The following NIN variants were observed in gnomAD, a reference collection of about 807,000 sequenced individuals.
NIN encodes glycogen synthase kinase 3 beta-interacting protein.
In NIN, 137 loss-of-function variants were observed where a neutral mutation model predicts 257.6. The ratio of observed to expected loss-of-function variants is 0.53; its 90% confidence interval spans 0.46 to 0.61. The LOEUF is 0.61. Among genes scored for constraint, NIN ranks in the 20% least tolerant of loss-of-function variants. NIN has a pLI of 0.00. For synonymous variants in NIN, 918 were observed against 919.8 expected, an observed-to-expected ratio of 1.00 and a Z score of 0.04; for missense variants, 2,439 against 2,501.2, an observed-to-expected ratio of 0.98 and a Z score of 0.53.
In NIN at chr14:50,720,151, A is replaced by T. The variant is rs2040243777; in HGVS notation, c.*3312T>A. Reference sequence around the variant, plus strand: ...AGTGCTGAGAGGTCCAGATAGGTCCAAACATGATGATTTTTAAATGAGTGC... The same window carrying T: ...AGTGCTGAGAGGTCCAGATAGGTCCTAACATGATGATTTTTAAATGAGTGC... On this transcript the variant is annotated 3_prime_UTR_variant, in exon 31 of 31. Coordinates refer to ENST00000530997, the MANE Select transcript of NIN (RefSeq NM_020921.4). The T allele has an allele frequency of 4.5e-6, 1 of 222,566 alleles. No homozygotes were observed. The highest frequency in any genetic ancestry group is 2.2e-5 in the African/African-American group (1 of 44,754). 13.8% of individuals were successfully genotyped at this position (222,566 alleles called of 1,614,324 possible). A position where few individuals can be genotyped will look rare whatever the true frequency, so the allele number is the denominator to read the frequency against.
intron 5 of NIN, chr14:50,792,139 A>C (rs1339194492): frequency 1.3e-5 from 2 of 152,280 alleles, no homozygotes; most frequent in Non-Finnish European, 2.9e-5. Context: ...CATGCTGGAG[A>C]ACGAGACAGG....
intron 15 of NIN, among the ~76,000 whole-genome samples, chr14:50,762,335 C>T (rs1253306747): frequency 5.3e-5 from 8 of 152,128 alleles, no homozygotes; most frequent in Admixed American, 3.9e-4. Context: ...GGAAAATGAA[C>T]GGCCAGCATA....
Position 50,752,542 on chromosome 14 carries a change from T to G in NIN, c.4926A>C (p.Glu1642Asp), listed in dbSNP as rs965453769. Residue 1642 changes from glutamate to aspartate, a missense_variant, in exon 21 of 31, where the codon GAA becomes GAC. Physicochemically the swap from Glu to Asp is conservative, Grantham distance 45 (BLOSUM62 2). This residue lies in a region of NIN where 2,043 missense variants were observed against 2,050.2 expected (regional missense o/e 1.00). Transcript: ENST00000530997. The stretch of plus-strand genomic sequence containing the variant: ...CCTGCACTTTACAACGTTCCAGTTC[T>G]TCTTTCAGATTAAACTTCTCTTGTT... Reference protein sequence around the residue: ...EREQEKFNLKEELERCKVQSS... With the variant: ...EREQEKFNLKDELERCKVQSS... The G allele has an allele frequency of 4.3e-6, 7 of 1,614,094 alleles. No homozygotes were observed. Among genetic ancestry groups the G allele is most frequent in the Non-Finnish European group, 5.9e-6 (7 of 1,179,974 alleles).
chr14:50,792,991 C>G lies in NIN; in HGVS notation c.266-110G>C, dbSNP rs1754817568. 5 of 1,082,256 alleles carry G rather than the reference C, an allele frequency of 4.6e-6. No homozygotes were observed. In the South Asian group the frequency reaches 7.5e-5, roughly 16 times the overall value. 67.0% of individuals were successfully genotyped at this position (1,082,256 alleles called of 1,614,324 possible). On this transcript the variant is annotated intron_variant, in intron 4 of 30. Coordinates refer to ENST00000530997, the MANE Select transcript of NIN (RefSeq NM_020921.4). ...TTATACCAACCTCAAAATAAACCACCACTGTTTGCCAATTGTGGTGGCTGT... is the reference window on the plus strand; with the variant it reads ...TTATACCAACCTCAAAATAAACCACGACTGTTTGCCAATTGTGGTGGCTGT...
Position 50,770,408 on chromosome 14 carries a change from G to T in NIN, c.1414C>A (p.Arg472Ser), listed in dbSNP as rs747426018. The change falls in exon 12 of 31, where the codon CGC (arginine) becomes AGC (serine). Residue 472 changes from arginine to serine, a missense_variant. Physicochemically the swap from Arg to Ser is moderately radical, Grantham distance 110. Coordinates refer to ENST00000530997, the MANE Select transcript of NIN (RefSeq NM_020921.4). Reference sequence around the variant, plus strand: ...ATTACCTTTAAAGAGAGGGCAAGGCGGTCCCGGATATAGTTCTCTTCTGTT... The same window carrying T: ...ATTACCTTTAAAGAGAGGGCAAGGCTGTCCCGGATATAGTTCTCTTCTGTT... The part of the protein sequence containing the change: ...AKTEENYIRD[R>S]LALSLKENSR... 1 of 1,614,156 alleles carries T rather than the reference G, an allele frequency of 6.2e-7. No homozygotes were observed. Among genetic ancestry groups the T allele is most frequent in the African/African-American group, 1.3e-5 (1 of 75,044 alleles).
intron 14 of NIN, among the ~76,000 whole-genome samples, chr14:50,764,659 G>A (rs976720324): frequency 6.6e-6 from 1 of 152,060 alleles, no homozygotes; most frequent in Non-Finnish European, 1.5e-5. Context: ...ACTGATACAC[G>A]CTACAACATG....
intron 3 of NIN, among the ~76,000 whole-genome samples, chr14:50,820,896 A>G (rs1164805573): frequency 3.3e-5 from 5 of 152,222 alleles, no homozygotes; most frequent in African/African-American, 1.2e-4. Context: ...ATGGTACTAT[A>G]TCTGAAGTCA....
Position 50,763,928 on chromosome 14 carries a change from G to C in NIN, c.1672C>G (p.Leu558Val), listed in dbSNP as rs780621940. Reference protein sequence around the residue: ...QDQVDELQSELEEYRAQGRVL... With the variant: ...QDQVDELQSEVEEYRAQGRVL... ...CTGCCTTGTGCACGATATTCTTCCA[G>C]CTCAGACTGGAGTTCATCTACTTGG... The change falls in exon 15 of 31, where the codon CTG (leucine) becomes GTG (valine). Residue 558 changes from leucine to valine, a missense_variant. Transcript: ENST00000530997. 6.2e-7 allele frequency: 1 copy of C among 1,613,958 alleles called. No individual in the cohort carries two copies.
intron 27 of NIN, 95 bp downstream of exon 27, chr14:50,738,044 TA>T: frequency 8.0e-7 from 1 of 1,249,354 alleles, no homozygotes; most frequent in Non-Finnish European, 1.1e-6. Context: ...TATGCCATCG[TA>T]ATCATTTCCT....
chr14:50,760,230 T>C lies in NIN; in HGVS notation c.2026A>G (p.Ile676Val), dbSNP rs140712983. The change falls in exon 17 of 31, where the codon ATT becomes GTT. Residue 676 changes from isoleucine (I) to valine (V), a missense_variant. Ile to Val is a conservative substitution (Grantham distance 29). Around this residue, in one of 3 missense-constraint regions of NIN, gnomAD observed 2,043 missense variants for 2,050.2 expected, o/e 1.00. Transcript: ENST00000530997. ...GCTGCTTGCCCCTGAAGTTCAGCAA[T>C]TTCATTTTTAAGGTCACTTATTTGT... ...EKQISDLKNEIAELQGQAAVL... is the reference protein window; with the variant it reads ...EKQISDLKNEVAELQGQAAVL... 30 of 1,613,494 alleles carry C rather than the reference T, an allele frequency of 1.9e-5. No individual in the cohort carries two copies. The African/African-American group carries it at 2.4e-4, about 13-fold the overall frequency.
At chr14:50,752,810 CAT>C in intron 20 of NIN, 77 bp from the exon 21 acceptor site, 1 of 778,014 alleles carries the variant, frequency 1.3e-6, no homozygotes, top group Non-Finnish European at 2.0e-6. Context: ...GATTTAGAGA[CAT>C]AATTGTCTTT....
At chr14:50,742,907 T>C (rs184113230) in intron 24 of NIN, among the ~76,000 whole-genome samples, 9 of 152,342 alleles carry the variant, frequency 5.9e-5, no homozygotes, top group African/African-American at 1.4e-4. Context: ...GATGGAAATA[T>C]TTAAATTATT....
Position 50,743,420 on chromosome 14 carries a change from T to C in NIN, c.5297A>G (p.Glu1766Gly), listed in dbSNP as rs1566793326. Residue 1766 changes from glutamate to glycine, a missense_variant, in exon 24 of 31, where the codon GAA (glutamate) becomes GGA (glycine). Around this residue, in one of 3 missense-constraint regions of NIN, gnomAD observed 2,043 missense variants for 2,050.2 expected, o/e 1.00. Transcript: ENST00000530997. ...AAACAAGAATTGTCCATGTACCTTTTCCTGAGAAGCCACCAGCTGTGACTT... is the reference window on the plus strand; with the variant it reads ...AAACAAGAATTGTCCATGTACCTTTCCCTGAGAAGCCACCAGCTGTGACTT... ...SLKSQLVASQEKVQNLEDTVQ... is the reference protein window; with the variant it reads ...SLKSQLVASQGKVQNLEDTVQ... 1 of 1,600,492 alleles carries C rather than the reference T, an allele frequency of 6.2e-7. No homozygotes were observed.
Position 50,760,100 on chromosome 14 carries a change from A to G in NIN, c.2156T>C (p.Leu719Pro). ...EEEKTHLQEKLRLQHEMELKA... is the reference protein window; with the variant it reads ...EEEKTHLQEKPRLQHEMELKA... ...GAGCTCCATCTCATGTTGCAGCCTC[A>G]GCTTCTCCTGCAGGTGAGTCTTTTC... is the stretch of plus-strand genomic sequence containing the variant. Residue 719 changes from leucine to proline, a missense_variant, in exon 17 of 31, where the codon CTG becomes CCG. Around this residue, in one of 3 missense-constraint regions of NIN, gnomAD observed 2,043 missense variants for 2,050.2 expected, o/e 1.00. Coordinates refer to ENST00000530997, the MANE Select transcript of NIN (RefSeq NM_020921.4). The G allele has an allele frequency of 6.2e-7, 1 of 1,614,100 alleles. No individual in the cohort carries two copies. Among genetic ancestry groups the G allele is most frequent in the Non-Finnish European group, 8.5e-7 (1 of 1,180,020 alleles).
intron 17 of NIN, among the ~76,000 whole-genome samples, chr14:50,759,080 G>A (rs1408656322): frequency 6.6e-6 from 1 of 152,114 alleles, no homozygotes; most frequent in Non-Finnish European, 1.5e-5. Context: ...CTTACTTAAC[G>A]AAGTAGCACC....
At chr14:50,782,955 C>A (rs2065078) in intron 5 of NIN, among the ~76,000 whole-genome samples, 123,894 of 145,484 alleles carry the variant, frequency 0.85, 53,757 homozygotes, top group East Asian at 1. Context: ...TTGAGACAGT[C>A]CAACCCAAAA....
At position 50,812,359 on chromosome 14, in the gene NIN, C is replaced by A. The variant is rs370404649; in HGVS notation, c.184-5541G>T. Among the ~76,000 whole-genome samples the A allele has an allele frequency of 7.9e-5, 12 of 152,308 alleles. No individual in the cohort carries two copies. The South Asian group carries it at 2.5e-3, about 32-fold the overall frequency. On this transcript the variant is annotated intron_variant, in intron 3 of 30. Transcript: ENST00000530997. ...AAGCCTGCCTGGCTCAGGCCCACTTCCCTCTTGGTCTGACCCCTCAGGGAA... is the reference window on the plus strand; with the variant it reads ...AAGCCTGCCTGGCTCAGGCCCACTTACCTCTTGGTCTGACCCCTCAGGGAA...
chr14:50,817,655 T>C (rs2142371956), intron 3 of NIN, among the ~76,000 whole-genome samples: 1 of 152,240 alleles, frequency 6.6e-6, no homozygotes, highest in East Asian at 1.9e-4. Flanking sequence ...CAAATTCATA[T>C]TAAGAATATA....
chr14:50,732,956 ACTTTGGGAGG>A (rs574533942), intron 28 of NIN, among the ~76,000 whole-genome samples: 109 of 152,062 alleles, frequency 7.2e-4, no homozygotes, highest in African/African-American at 2.6e-3. Context: ...AACTCCCAAC[ACTTTGGGAGG>A]CTGAGGTGGG....
Sources: allele counts gnomAD v4.1 joint callset (sites outside exome capture counted in the v4.1 genomes callset), GRCh38; gene constraint gnomAD v4.1.1; regional missense constraint gnomAD v4.1.1; transcripts MANE v1.5; gene names NCBI Gene and HGNC (gene_info 2026-07-23, HGNC 2026-07-21).